RNF121: variants seen among roughly 807,000 people sequenced by gnomAD.
RNF121 encodes ring finger protein 121.
In RNF121, 21 loss-of-function variants were observed where a neutral mutation model predicts 46.5. The observed-to-expected ratio is 0.45, with a 90% CI of 0.32 to 0.65. The LOEUF is 0.65. Ranked by LOEUF, RNF121 falls within the 30% of genes least tolerant of loss-of-function variation. The pLI is 0.04. For missense variants in RNF121, 346 were observed against 416.0 expected (o/e 0.83, Z 1.46); for synonymous variants, 139 against 144.7 (o/e 0.96, Z 0.28).
At chr11:71,979,661 A>C (rs1954603988) in intron 3 of RNF121, among the ~76,000 whole-genome samples, 1 of 152,220 alleles carries the variant, frequency 6.6e-6, no homozygotes, top group African/African-American at 2.4e-5. Context: ...CAGAATGTAC[A>C]GAGCTGCAGC....
chr11:71,948,583 G>A (rs1953784003), intron 1 of RNF121, among the ~76,000 whole-genome samples: 1 of 151,576 alleles, frequency 6.6e-6, no homozygotes, highest in African/African-American at 2.4e-5. Context: ...TTCTGATGAG[G>A]GGTGGGGGTA....
intron 4 of RNF121, among the ~76,000 whole-genome samples, chr11:71,984,744 A>C (rs979801267): frequency 1.2e-5 from 1 of 81,148 alleles, no homozygotes. Context: ...ACACCCGGCT[A>C]ATTTTTTTTT....
At chr11:71,937,108 T>C (rs1206645967) in intron 1 of RNF121, among the ~76,000 whole-genome samples, 1 of 152,214 alleles carries the variant, frequency 6.6e-6, no homozygotes, top group Admixed American at 6.5e-5. Flanking sequence ...AATTGTTCCT[T>C]ATCAGTGAGT....
intron 3 of RNF121, among the ~76,000 whole-genome samples, chr11:71,966,404 G>T (rs1040565259): frequency 6.6e-6 from 1 of 152,014 alleles, no homozygotes; most frequent in African/African-American, 2.4e-5. Context: ...AAAACACATT[G>T]GTCCCCTGCC....
chr11:71,982,945 G>A (rs1300234527), intron 4 of RNF121, 30 bp downstream of exon 4: 2 of 1,565,614 alleles, frequency 1.3e-6, no homozygotes, highest in Non-Finnish European at 1.7e-6. Context: ...GAAGAGCCCA[G>A]GTTTTCCGAA....
At chr11:71,995,584 G>A (rs772066606) in intron 8 of RNF121, 33 bp downstream of exon 8, 6 of 1,525,406 alleles carry the variant, frequency 3.9e-6, no homozygotes, top group Admixed American at 3.9e-5. Context: ...TTGGGAGTGG[G>A]CTGTGGGAAG....
At chr11:71,987,715 G>C (rs1250256687) in intron 5 of RNF121, among the ~76,000 whole-genome samples, 1 of 152,226 alleles carries the variant, frequency 6.6e-6, no homozygotes, top group Non-Finnish European at 1.5e-5. Flanking sequence ...TATAGGAAAA[G>C]TTTGCTGACT....
intron 1 of RNF121, among the ~76,000 whole-genome samples, chr11:71,956,472 C>T (rs924882089): frequency 6.6e-6 from 1 of 152,194 alleles, no homozygotes; most frequent in Admixed American, 6.5e-5. Context: ...CCTAAAATAT[C>T]AGTAGTGCCA....
intron 6 of RNF121, among the ~76,000 whole-genome samples, chr11:71,992,180 TAGTCC>T (rs1445354034): frequency 6.6e-6 from 1 of 152,260 alleles, no homozygotes; most frequent in Non-Finnish European, 1.5e-5. Flanking sequence ...CAAAAGTGCT[TAGTCC>T]ATATTGGTAA....
intron 1 of RNF121, among the ~76,000 whole-genome samples, chr11:71,947,706 C>G (rs1486573068): frequency 6.6e-6 from 1 of 152,130 alleles, no homozygotes; most frequent in African/African-American, 2.4e-5. Flanking sequence ...GAACTTTAAC[C>G]CCAAGGCAAT....
At chr11:71,968,350 G>T (rs753748023) in intron 3 of RNF121, among the ~76,000 whole-genome samples, 13 of 152,100 alleles carry the variant, frequency 8.5e-5, no homozygotes, top group Non-Finnish European at 1.6e-4. Flanking sequence ...GTGAGCCACT[G>T]CCCCCAGCCC....
Position 71,977,934 on chromosome 11 carries a change from G to C in RNF121, c.244-4827G>C, listed in dbSNP as rs79360732. Among the ~76,000 whole-genome samples the C allele has an allele frequency of 2.6e-5, 4 of 152,302 alleles. No individual in the cohort carries two copies. The South Asian group carries it at 8.3e-4, about 32-fold the overall frequency. On this transcript the variant is annotated intron_variant, in intron 3 of 8. Coordinates refer to ENST00000361756, the MANE Select transcript of RNF121 (RefSeq NM_018320.5). ...AATGTGTCTCCATAAATGTTGCCAC[G>C]AGATGGCACTAGAGGCCCTGCAATT... is the stretch of plus-strand genomic sequence containing the variant.
At chr11:71,987,491 T>TA (rs1395495981) in intron 5 of RNF121, among the ~76,000 whole-genome samples, 1 of 152,218 alleles carries the variant, frequency 6.6e-6, no homozygotes, top group African/African-American at 2.4e-5. Flanking sequence ...TGAATGGCCT[T>TA]ACGTTCAACT....
In RNF121 at chr11:71,991,533, G is replaced by T. The variant is rs568248266; in HGVS notation, c.627+816G>T. Among the ~76,000 whole-genome samples, 6 of 152,212 alleles carry T rather than the reference G, an allele frequency of 3.9e-5. No homozygotes were observed. The South Asian group carries it at 1.2e-3, about 31-fold the overall frequency. ...TAAGCATTATGTAGGAAAGGTTCAT[G>T]ATGCTGTAAACACATGTAGTAGTGT... On this transcript the variant is annotated intron_variant, in intron 6 of 8. Transcript: ENST00000361756.
At chr11:71,944,927 C>T (rs1953678057) in intron 1 of RNF121, among the ~76,000 whole-genome samples, 1 of 152,166 alleles carries the variant, frequency 6.6e-6, no homozygotes, top group South Asian at 2.1e-4. Context: ...AAAGTATTTA[C>T]TGCTGGCTAT....
At position 71,997,416 on chromosome 11, in the gene RNF121, A is replaced by C. The variant is rs1441173941; in HGVS notation, c.*1101A>C. On this transcript the variant is annotated 3_prime_UTR_variant, in exon 9 of 9. Transcript: ENST00000361756. The stretch of plus-strand genomic sequence containing the variant: ...CAGGTTCTGAGAGGGGGCTTCTAGG[A>C]AGGCCCCAGCCCTAGTCCTAGGCGA... 6.6e-6 allele frequency: 1 copy of C among 152,060 alleles called. No individual in the cohort carries two copies. Among genetic ancestry groups the C allele is most frequent in the Non-Finnish European group, 1.5e-5 (1 of 67,980 alleles). The allele number at this position is 152,060 out of a possible 1,614,324, so 9.4% of individuals were successfully genotyped here.
At chr11:71,975,509 G>C (rs1004957694) in intron 3 of RNF121, among the ~76,000 whole-genome samples, 5 of 152,182 alleles carry the variant, frequency 3.3e-5, no homozygotes, top group Non-Finnish European at 5.9e-5. Context: ...AGGGGGGTGG[G>C]TTCTCCACTT....
At chr11:71,929,158 C>G (rs1216655947) in intron 1 of RNF121, 34 bp downstream of exon 1, 1 of 1,543,570 alleles carries the variant, frequency 6.5e-7, no homozygotes, top group Admixed American at 2.0e-5. Context: ...AGAGACTCAA[C>G]CTGAGACTGA....
At chr11:71,960,638 G>T in intron 2 of RNF121, 112 bp from the exon 3 acceptor site, 1 of 1,269,172 alleles carries the variant, frequency 7.9e-7, no homozygotes. Context: ...CTGCAGCTAT[G>T]AAGCAGGGAA....
Sources: gnomAD v4.1 joint callset for allele counts (sites outside exome capture counted in the v4.1 genomes callset) on GRCh38, gnomAD v4.1.1 for gene constraint, MANE v1.5 for transcripts, NCBI Gene and HGNC (gene_info 2026-07-23, HGNC 2026-07-21) for gene names.